SLC24A2: variants seen among roughly 807,000 people sequenced by gnomAD.
The protein encoded by SLC24A2 is sodium/potassium/calcium exchanger 2.
In SLC24A2, 36 loss-of-function variants were observed where a neutral mutation model predicts 62.0. The observed-to-expected ratio is 0.58, with a 90% CI of 0.44 to 0.77. The LOEUF is 0.77. Ranked by LOEUF, SLC24A2 falls within the 30% of genes least tolerant of loss-of-function variation. The pLI is 0.00. For synonymous variants in SLC24A2, 358 were observed against 294.0 expected (o/e 1.22, Z -2.23); for missense variants, 846 against 817.9 (o/e 1.03, Z -0.42).
At chr9:19,810,646 G>A in the SLC24A2 span, among the ~76,000 whole-genome samples, 3 of 152,252 alleles carry the variant, frequency 2.0e-5, no homozygotes, top group South Asian at 2.1e-4. Flanking sequence ...CAGTTAATGC[G>A]TCCGCTTAAG....
chr9:19,881,324 C>T, the SLC24A2 span, among the ~76,000 whole-genome samples: 35 of 152,090 alleles, frequency 2.3e-4, no homozygotes, highest in African/African-American at 7.7e-4. Flanking sequence ...CAGAAGTCAA[C>T]TGAAAATATC....
intron 2 of SLC24A2, among the ~76,000 whole-genome samples, chr9:19,695,530 A>T (rs1820163776): frequency 6.6e-6 from 1 of 152,122 alleles, no homozygotes; most frequent in Admixed American, 6.6e-5. Flanking sequence ...CCCAATCTGA[A>T]ATATAATTTG....
At chr9:20,048,639 A>T in the SLC24A2 span, among the ~76,000 whole-genome samples, 1 of 152,202 alleles carries the variant, frequency 6.6e-6, no homozygotes. Flanking sequence ...CGGCACTGAG[A>T]CAAATAAAAT....
the SLC24A2 span, among the ~76,000 whole-genome samples, chr9:19,972,123 A>C: frequency 7.2e-5 from 11 of 152,010 alleles, no homozygotes; most frequent in Non-Finnish European, 1.6e-4. Flanking sequence ...TCCTAGTACT[A>C]TGTTTCTGAC....
chr9:20,170,019 T>G, the SLC24A2 span, among the ~76,000 whole-genome samples: 1 of 151,658 alleles, frequency 6.6e-6, no homozygotes, highest in Non-Finnish European at 1.5e-5. Context: ...ATTGGCACAC[T>G]TATAGAAATG....
Position 19,516,137 on chromosome 9 carries a change from G to C in SLC24A2, c.*16C>G, listed in dbSNP as rs141099150. On this transcript the variant is annotated 3_prime_UTR_variant, in exon 11 of 11. Coordinates refer to ENST00000341998, the MANE Select transcript of SLC24A2 (RefSeq NM_020344.4). Reference sequence around the variant, plus strand: ...GGGACCATTCATGCTGCTGGTGCAAGATATGGCTTTTCCTGCTAGATGGAG... The same window carrying C: ...GGGACCATTCATGCTGCTGGTGCAACATATGGCTTTTCCTGCTAGATGGAG... 155 of 1,614,020 alleles carry C rather than the reference G, an allele frequency of 9.6e-5. No homozygotes were observed. The African/African-American group carries it at 1.9e-3, about 20-fold the overall frequency.
the SLC24A2 span, among the ~76,000 whole-genome samples, chr9:20,193,399 A>G: frequency 6.6e-6 from 1 of 152,106 alleles, no homozygotes; most frequent in Non-Finnish European, 1.5e-5. Flanking sequence ...CTAAGAAGAA[A>G]AAGAAAAGCA....
intron 9 of SLC24A2, among the ~76,000 whole-genome samples, chr9:19,526,266 GGTT>G (rs1833443637): frequency 6.6e-6 from 1 of 152,054 alleles, no homozygotes; most frequent in Admixed American, 6.6e-5. Flanking sequence ...TGGACATTTG[GGTT>G]GTTTTCACTT....
chr9:20,170,419 C>G, the SLC24A2 span, among the ~76,000 whole-genome samples: 1 of 152,106 alleles, frequency 6.6e-6, no homozygotes, highest in East Asian at 1.9e-4. Context: ...GTCCCTCCCC[C>G]ATGGGCTGGG....
the SLC24A2 span, among the ~76,000 whole-genome samples, chr9:20,078,269 C>A: frequency 2.0e-5 from 3 of 152,082 alleles, no homozygotes; most frequent in Non-Finnish European, 4.4e-5. Flanking sequence ...GTTTCTGTTG[C>A]TATTAAAGGA....
chr9:20,296,578 A>G, the SLC24A2 span, among the ~76,000 whole-genome samples: 2 of 152,256 alleles, frequency 1.3e-5, no homozygotes, highest in African/African-American at 4.8e-5. Context: ...GCAGATGTAC[A>G]AAAAGGACCT....
chr9:20,174,674 T>C, the SLC24A2 span, among the ~76,000 whole-genome samples: 1 of 152,000 alleles, frequency 6.6e-6, no homozygotes, highest in Non-Finnish European at 1.5e-5. Flanking sequence ...CCTGCAAGAA[T>C]GGCCATAAAC....
intron 2 of SLC24A2, among the ~76,000 whole-genome samples, chr9:19,658,287 G>T (rs553759159): frequency 6.6e-6 from 1 of 152,324 alleles, no homozygotes; most frequent in South Asian, 2.1e-4. Flanking sequence ...ATAAGTGGTG[G>T]TGGGGAAGCT....
chr9:19,825,144 C>T, the SLC24A2 span, among the ~76,000 whole-genome samples: 14 of 152,128 alleles, frequency 9.2e-5, no homozygotes, highest in African/African-American at 2.7e-4. Flanking sequence ...ATGTAACATA[C>T]CTGCATGTTC....
chr9:19,793,760 C>T (rs1461410393), upstream of SLC24A2, among the ~76,000 whole-genome samples: 2 of 152,140 alleles, frequency 1.3e-5, no homozygotes, highest in Non-Finnish European at 2.9e-5. Flanking sequence ...TATGATAGTC[C>T]CTGCCTAACT....
At chr9:19,642,481 A>C (rs1818525168) in intron 2 of SLC24A2, among the ~76,000 whole-genome samples, 1 of 152,064 alleles carries the variant, frequency 6.6e-6, no homozygotes, top group Non-Finnish European at 1.5e-5. Flanking sequence ...GTGTACAAAA[A>C]TCACAGGGTC....
intron 5 of SLC24A2, 60 bp downstream of exon 5, chr9:19,597,169 A>T: frequency 9.2e-7 from 1 of 1,090,526 alleles, no homozygotes; most frequent in South Asian, 1.3e-5. Flanking sequence ...AAAAATGGGC[A>T]AGCAACAGAC....
At chr9:19,613,888 TG>T (rs1817694692) in intron 4 of SLC24A2, among the ~76,000 whole-genome samples, 1 of 152,156 alleles carries the variant, frequency 6.6e-6, no homozygotes, top group African/African-American at 2.4e-5. Flanking sequence ...CTTGCCTTAG[TG>T]GGGCATAGAG....
chr9:19,831,841 A>G, the SLC24A2 span, among the ~76,000 whole-genome samples: 2,784 of 152,324 alleles, frequency 0.018, 90 homozygotes, highest in African/African-American at 0.064. Context: ...TCATAATTGC[A>G]TTTCCTTGCT....
Sources: gnomAD v4.1 joint callset for allele counts (sites outside exome capture counted in the v4.1 genomes callset) on GRCh38, gnomAD v4.1.1 for gene constraint, MANE v1.5 for transcripts, NCBI Gene and HGNC (gene_info 2026-07-23, HGNC 2026-07-21) for gene names.